The following PUDP variants were observed in gnomAD, a reference collection of about 807,000 sequenced individuals.
PUDP encodes pseudouridine-5'-phosphatase.
A neutral mutation model predicts 9.4 loss-of-function variants in PUDP; 8 were observed. That is an observed-to-expected ratio of 0.85 (90% CI 0.50 to 1.53). PUDP has a LOEUF of 1.53. Ranked by LOEUF, PUDP falls within the 40% of genes most tolerant of loss-of-function variation. PUDP has a pLI of 0.00. For synonymous variants in PUDP, 99 were observed against 80.7 expected (o/e 1.23, Z -1.22); for missense variants, 188 against 189.7 (o/e 0.99, Z 0.05).
intron 1 of PUDP, among the ~76,000 whole-genome samples, chrX:7,134,895 G>A (rs1932703953): frequency 8.9e-6 from 1 of 112,455 alleles, no homozygotes; most frequent in African/African-American, 3.2e-5. Context: ...ACACTTTGCT[G>A]CACAAAATGT....
At chrX:6,899,974 A>C (rs985323577) in intron 3 of PUDP, among the ~76,000 whole-genome samples, 3 of 111,436 alleles carry the variant, frequency 2.7e-5, no homozygotes, top group African/African-American at 9.8e-5. Context: ...GCACTTTGGG[A>C]GGCCAGTATA....
At chrX:7,059,649 A>AT (rs2146845866) in intron 3 of PUDP, among the ~76,000 whole-genome samples, 1 of 111,798 alleles carries the variant, frequency 8.9e-6, no homozygotes, top group East Asian at 2.8e-4. Flanking sequence ...AGTTGTGTTT[A>AT]TTTTCAACAG....
At chrX:6,731,791 G>T (rs936946103) in intron 3 of PUDP, among the ~76,000 whole-genome samples, 1 of 105,626 alleles carries the variant, frequency 9.5e-6, no homozygotes, top group Non-Finnish European at 1.9e-5. Flanking sequence ...AAGGGAAGGA[G>T]GGAAGGGACG....
intron 2 of PUDP, among the ~76,000 whole-genome samples, chrX:7,103,355 G>A (rs1372472691): frequency 8.9e-6 from 1 of 112,234 alleles, no homozygotes; most frequent in Admixed American, 9.4e-5. Flanking sequence ...GGACATCCAC[G>A]TACAAAAGAA....
chrX:7,069,319 G>A (rs1399958257), intron 3 of PUDP, among the ~76,000 whole-genome samples: 4 of 111,488 alleles, frequency 3.6e-5, no homozygotes, highest in African/African-American at 1.3e-4. Context: ...GGCAGCTAAT[G>A]TGGGAACAAG....
At chrX:6,833,449 T>A (rs940932209) in intron 3 of PUDP, among the ~76,000 whole-genome samples, 4 of 110,927 alleles carry the variant, frequency 3.6e-5, no homozygotes, top group African/African-American at 1.3e-4. Flanking sequence ...GATAGATGGA[T>A]AGATCATAGA....
intron 3 of PUDP, among the ~76,000 whole-genome samples, chrX:6,930,142 T>TG (rs111322785): frequency 0.06 from 6,534 of 109,639 alleles, 329 homozygotes; most frequent in African/African-American, 0.17. Flanking sequence ...AAAGACAAGG[T>TG]GGGGGGGTGT....
intron 3 of PUDP, among the ~76,000 whole-genome samples, chrX:6,880,850 T>C (rs764909127): frequency 6.1e-4 from 69 of 112,423 alleles, no homozygotes; most frequent in Middle Eastern, 4.6e-3. Context: ...ATTTATTCAA[T>C]AATTTAACAA....
intron 3 of PUDP, among the ~76,000 whole-genome samples, chrX:6,740,131 T>C (rs964188252): frequency 4.5e-5 from 5 of 112,096 alleles, no homozygotes; most frequent in Non-Finnish European, 9.4e-5. Flanking sequence ...TCCTATATCC[T>C]GGCAACTTTC....
chrX:6,719,625 G>A (rs1055991112), intron 1 of PUDP, among the ~76,000 whole-genome samples: 1 of 111,905 alleles, frequency 8.9e-6, no homozygotes, highest in African/African-American at 3.2e-5. Flanking sequence ...CCCCAGAGGA[G>A]GTTACAAAAG....
At chrX:6,808,677 T>C (rs982888756) in intron 3 of PUDP, among the ~76,000 whole-genome samples, 2 of 111,880 alleles carry the variant, frequency 1.8e-5, no homozygotes, top group Non-Finnish European at 3.8e-5. Context: ...AGTATGACAA[T>C]GGTTCTCCTG....
At position 7,077,297 on chromosome X, in the gene PUDP, C is replaced by T; in HGVS notation, c.433G>A (p.Val145Met). Residue 145 changes from valine (V) to methionine (M), a missense_variant, in exon 3 of 4, where the codon GTG becomes ATG. Physicochemically the swap from Val to Met is conservative, Grantham distance 21. Transcript: ENST00000381077. Reference protein sequence around the residue: ...SHIVLGDDPEVQHGKPDPDIF... With the variant: ...SHIVLGDDPEMQHGKPDPDIF... ...TCCGGGTCTGGCTTGCCATGCTGCA[C>T]TTCGGGGTCATCTCCCAGCACAATG... The T allele has an allele frequency of 3.3e-6, 4 of 1,209,581 alleles. No homozygotes were observed. The highest frequency in any genetic ancestry group is 4.5e-6 in the Non-Finnish European group (4 of 894,527).
chrX:7,126,315 T>C (rs925579967), intron 1 of PUDP, among the ~76,000 whole-genome samples: 2 of 111,288 alleles, frequency 1.8e-5, no homozygotes, highest in Admixed American at 9.6e-5. Flanking sequence ...ATCCTCTAAC[T>C]GAACAGACCT....
At chrX:6,751,546 A>C (rs1201692551) in intron 3 of PUDP, among the ~76,000 whole-genome samples, 1 of 112,013 alleles carries the variant, frequency 8.9e-6, no homozygotes, top group African/African-American at 3.3e-5. Context: ...TGAAAAGAGA[A>C]GAAAAAGAAA....
At chrX:6,938,965 G>A (rs1928356372) in intron 3 of PUDP, among the ~76,000 whole-genome samples, 1 of 110,105 alleles carries the variant, frequency 9.1e-6, no homozygotes, top group Admixed American at 9.8e-5. Context: ...TATTCTGGTG[G>A]ACTAATTATA....
chrX:6,839,214 G>A (rs866352263), intron 3 of PUDP, among the ~76,000 whole-genome samples: 11 of 111,426 alleles, frequency 9.9e-5, no homozygotes, highest in South Asian at 3.8e-4. Flanking sequence ...TAGGGAGTGC[G>A]GCAAACTGAT....
intron 3 of PUDP, among the ~76,000 whole-genome samples, chrX:6,966,569 A>G (rs1395007072): frequency 1.1e-5 from 1 of 87,308 alleles, no homozygotes. Flanking sequence ...TTTTTTAGAG[A>G]CAGGGTCTCA....
intron 3 of PUDP, among the ~76,000 whole-genome samples, chrX:6,862,816 T>G (rs1290999050): frequency 9.0e-6 from 1 of 111,256 alleles, no homozygotes; most frequent in East Asian, 2.8e-4. Context: ...GATTATTAAT[T>G]TGCAAAGGAT....
intron 3 of PUDP, among the ~76,000 whole-genome samples, chrX:6,741,667 A>G (rs138013192): frequency 0.02 from 2,213 of 110,834 alleles, 13 homozygotes; most frequent in Middle Eastern, 0.099. Context: ...AGGTAGGTAG[A>G]TAAGTTGATT....
Sources: gnomAD v4.1 joint callset for allele counts (sites outside exome capture counted in the v4.1 genomes callset) on GRCh38, gnomAD v4.1.1 for gene constraint, MANE v1.5 for transcripts, NCBI Gene and HGNC (gene_info 2026-07-23, HGNC 2026-07-21) for gene names.